Variants in MARCHF6 observed in about 807,000 individuals in gnomAD.
The protein encoded by MARCHF6 is E3 ubiquitin-protein ligase MARCHF6.
In MARCHF6, 31 loss-of-function variants were observed where a neutral mutation model predicts 133.7. The ratio of observed to expected loss-of-function variants is 0.23; its 90% CI spans 0.17 to 0.31. The LOEUF (loss-of-function observed/expected upper bound fraction) is 0.31, where lower values mean the gene tolerates loss of function less well. Among genes scored for constraint, MARCHF6 ranks in the 10% least tolerant of loss-of-function variants. MARCHF6 has a pLI of 1.00. For missense variants in MARCHF6, 723 were observed against 1,121.6 expected (o/e 0.64, Z 5.08); for synonymous variants, 395 against 402.5 (o/e 0.98, Z 0.22).
intron 1 of MARCHF6, among the ~76,000 whole-genome samples, chr5:10,376,375 C>T (rs570902369): frequency 6.6e-6 from 1 of 152,226 alleles, no homozygotes; most frequent in South Asian, 2.1e-4. Flanking sequence ...ACCACGAACC[C>T]ACCAGAAGGA....
chr5:10,390,890 C>T (rs757312973), intron 6 of MARCHF6, among the ~76,000 whole-genome samples: 40 of 152,100 alleles, frequency 2.6e-4, no homozygotes, highest in Non-Finnish European at 4.9e-4. Context: ...CAAAGGCTGT[C>T]TTATAAAAAG....
intron 1 of MARCHF6, among the ~76,000 whole-genome samples, chr5:10,373,866 T>C (rs1169746469): frequency 6.6e-6 from 1 of 152,194 alleles, no homozygotes; most frequent in Non-Finnish European, 1.5e-5. Flanking sequence ...TTGTTGTGAA[T>C]GGCTGGATGA....
chr5:10,354,322 C>T (rs1735309123), intron 1 of MARCHF6, among the ~76,000 whole-genome samples: 1 of 152,188 alleles, frequency 6.6e-6, no homozygotes, highest in African/African-American at 2.4e-5. Flanking sequence ...CTATTGCTCG[C>T]CAGGCCCTAC....
chr5:10,355,235 A>G (rs1735378956), intron 1 of MARCHF6, among the ~76,000 whole-genome samples: 1 of 152,348 alleles, frequency 6.6e-6, no homozygotes, highest in African/African-American at 2.4e-5. Context: ...ACGCCTTTGG[A>G]AAAAATAGTA....
chr5:10,356,150 T>TA (rs1001987422), intron 1 of MARCHF6, among the ~76,000 whole-genome samples: 1 of 152,122 alleles, frequency 6.6e-6, no homozygotes, highest in South Asian at 2.1e-4. Context: ...AAAAAACTAA[T>TA]AAAAAATGTT....
intron 9 of MARCHF6, 86 bp from the exon 10 acceptor site, chr5:10,397,207 G>T: frequency 2.2e-6 from 2 of 892,892 alleles, no homozygotes; most frequent in Non-Finnish European, 3.4e-6. Context: ...TTTACTATTT[G>T]GCTCTAGCTA....
chr5:10,417,494 C>A (rs1309251576), intron 22 of MARCHF6, 90 bp downstream of exon 22: 7 of 1,543,394 alleles, frequency 4.5e-6, no homozygotes, highest in Admixed American at 1.9e-5. Flanking sequence ...CGCCTATAAT[C>A]TAGCACTTTG....
intron 16 of MARCHF6, among the ~76,000 whole-genome samples, chr5:10,406,088 C>G (rs1407705291): frequency 1.3e-5 from 2 of 152,180 alleles, no homozygotes; most frequent in Non-Finnish European, 2.9e-5. Context: ...CTATTGGGAA[C>G]TGCGAGTGCG....
chr5:10,391,357 T>C (rs760095542), intron 6 of MARCHF6, among the ~76,000 whole-genome samples, 185 bp from the exon 7 acceptor site: 1 of 151,024 alleles, frequency 6.6e-6, no homozygotes. Flanking sequence ...GGTCTTGAAC[T>C]CTTGAGCTCA....
intron 19 of MARCHF6, chr5:10,413,449 TGGTAAGCTAGCA>T (rs1739341748): frequency 6.6e-6 from 1 of 152,350 alleles, no homozygotes; most frequent in African/African-American, 2.4e-5. Flanking sequence ...GAGATCCACC[TGGTAAGCTAGCA>T]GGCAAGCTAC....
intron 5 of MARCHF6, 109 bp downstream of exon 5, chr5:10,387,175 A>G (rs554667739): frequency 3.0e-5 from 22 of 741,496 alleles, no homozygotes; most frequent in African/African-American, 2.1e-4. Flanking sequence ...TTTGAGAACA[A>G]TAATTTATGT....
intron 22 of MARCHF6, among the ~76,000 whole-genome samples, chr5:10,421,676 AT>A (rs1739832050): frequency 6.6e-6 from 1 of 152,188 alleles, no homozygotes; most frequent in African/African-American, 2.4e-5. Context: ...TTGGGTAAAC[AT>A]TAATCTCATT....
At position 10,368,862 on chromosome 5, in the gene MARCHF6, C is replaced by T. The variant is rs138125310; in HGVS notation, c.20-8936C>T. On this transcript the variant is annotated intron_variant, in intron 1 of 25. Transcript: ENST00000274140. ...TGTTGGGATTACAGGCGTGAGCCAC[C>T]GTGCCCAGCCAGGAGTTTGAGGCTG... Among the ~76,000 whole-genome samples, 975 of 151,972 alleles carry T rather than the reference C, an allele frequency of 6.4e-3. 11 individuals carry two copies. Among genetic ancestry groups the T allele is most frequent in the South Asian group, 0.01 (49 of 4,812 alleles).
chr5:10,431,650 TGA>T (rs3836832), intron 25 of MARCHF6, among the ~76,000 whole-genome samples: 2,387 of 141,462 alleles, frequency 0.017, 72 homozygotes, highest in African/African-American at 0.058. Context: ...TGTGTGTGTG[TGA>T]GAGTGTATGT....
Position 10,387,042 on chromosome 5 carries a change from C to T in MARCHF6, c.383C>T (p.Thr128Met), listed in dbSNP as rs745896413. Residue 128 changes from threonine to methionine, a missense_variant, in exon 5 of 26, where the codon ACG (threonine) becomes ATG (methionine). Physicochemically the swap from Thr to Met is moderately conservative, Grantham distance 81. This residue lies in a region of MARCHF6 where 91 missense variants were observed against 208.8 expected (regional missense o/e 0.44). Transcript: ENST00000274140. ...ACTGGCTCCGTGAGCTCACTACTGA[C>T]GCTGCCATTAGATATGCTGTCAACG... is the stretch of plus-strand genomic sequence containing the variant. Reference protein sequence around the residue: ...LFTGSVSSLLTLPLDMLSTEN... With the variant: ...LFTGSVSSLLMLPLDMLSTEN... The T allele has an allele frequency of 2.3e-5, 37 of 1,612,416 alleles. No homozygotes were observed. The highest frequency in any genetic ancestry group is 6.7e-5 in the Admixed American group (4 of 60,000).
rs564662762 is a variant in MARCHF6, at chr5:10,403,532, A to G, written c.1323A>G (p.Leu441=). Residue 441 remains leucine (L), a synonymous_variant, in exon 15 of 26, where the codon CTA becomes CTG. Coordinates refer to ENST00000274140, the MANE Select transcript of MARCHF6 (RefSeq NM_005885.4). ...TCTACTTTGCCTCCTTCATTCTACT[A>G]CTGAGAGAGGTAAGTCCACAGGGAA... ...YVFYFASFIL[L]LREVLRPGVL... The G allele has an allele frequency of 1.4e-4, 218 of 1,610,968 alleles. 2 individuals are homozygous for G. The South Asian group carries it at 2.2e-3, about 16-fold the overall frequency.
At chr5:10,392,107 C>A (rs571506717) in intron 7 of MARCHF6, among the ~76,000 whole-genome samples, 2 of 151,946 alleles carry the variant, frequency 1.3e-5, no homozygotes, top group Non-Finnish European at 2.9e-5. Flanking sequence ...AACAGGCGCT[C>A]GCCACCACGC....
Position 10,440,228 on chromosome 5 carries a change from A to G in MARCHF6, c.*6544A>G, listed in dbSNP as rs1256923847. 3 of 152,234 alleles carry G rather than the reference A, an allele frequency of 2.0e-5. No individual in the cohort carries two copies. In the East Asian group the frequency reaches 5.8e-4, roughly 29 times the overall value. The allele number at this position is 152,234 out of a possible 1,614,324, so 9.4% of individuals were successfully genotyped here. ...CAATAGTAATGCTAAGTTAGTAAAT[A>G]AATGATGAATTTAGAATCAAAATAA... On this transcript the variant is annotated 3_prime_UTR_variant, in exon 26 of 26. Coordinates refer to ENST00000274140, the MANE Select transcript of MARCHF6 (RefSeq NM_005885.4).
chr5:10,406,893 G>GGA (rs1005586711), intron 16 of MARCHF6, among the ~76,000 whole-genome samples: 2 of 152,116 alleles, frequency 1.3e-5, no homozygotes, highest in African/African-American at 4.8e-5. Context: ...GTCCTAGATG[G>GGA]GAGGTCCTTA....
Sources: gnomAD v4.1 joint callset for allele counts (sites outside exome capture counted in the v4.1 genomes callset) on GRCh38, gnomAD v4.1.1 for gene constraint, gnomAD v4.1.1 regional missense constraint, MANE v1.5 for transcripts, NCBI Gene and HGNC (gene_info 2026-07-23, HGNC 2026-07-21) for gene names.